SCML4: variants seen among roughly 807,000 people sequenced by gnomAD.
SCML4 encodes sex comb on midleg-like protein 4.
Under a neutral mutation model 41.1 loss-of-function variants are expected in SCML4, and 34 were observed. The observed-to-expected ratio is 0.83, with a 90% CI of 0.63 to 1.10. The LOEUF is 1.10. Ranked by LOEUF, SCML4 falls within the 50% of genes least tolerant of loss-of-function variation. The probability of loss-of-function intolerance (pLI) is 0.00; values close to 1 mark genes in which losing one functional copy is unlikely to be tolerated. For synonymous variants in SCML4, 214 were observed against 220.9 expected (o/e 0.97, Z 0.28); for missense variants, 522 against 534.1 (o/e 0.98, Z 0.22).
At chr6:107,799,593 T>C (rs1782953684) in intron 1 of SCML4, among the ~76,000 whole-genome samples, 3 of 152,224 alleles carry the variant, frequency 2.0e-5, no homozygotes, top group Admixed American at 2.0e-4. Context: ...AGTTTAAGTC[T>C]ACCATCTTTC....
chr6:107,782,548 T>C (rs569959298), intron 1 of SCML4, among the ~76,000 whole-genome samples: 2 of 152,394 alleles, frequency 1.3e-5, no homozygotes, highest in South Asian at 4.1e-4. Context: ...CTGCATTTCT[T>C]ACTCTTCTCC....
chr6:107,717,157 A>C (rs1394797303), intron 6 of SCML4, among the ~76,000 whole-genome samples: 1 of 144,850 alleles, frequency 6.9e-6, no homozygotes, highest in African/African-American at 2.6e-5. Context: ...AAAAAAAAAA[A>C]AAAAAAAAAA....
At chr6:107,730,246 C>T (rs1166022947) in intron 5 of SCML4, among the ~76,000 whole-genome samples, 2 of 152,246 alleles carry the variant, frequency 1.3e-5, no homozygotes, top group Non-Finnish European at 2.9e-5. Context: ...TGAGCAAACA[C>T]CAGATGGGGC....
At chr6:107,724,167 A>G (rs764141088) in intron 5 of SCML4, among the ~76,000 whole-genome samples, 1 of 152,226 alleles carries the variant, frequency 6.6e-6, no homozygotes, top group Non-Finnish European at 1.5e-5. Flanking sequence ...CCTCAATCTG[A>G]CAAAGGGTAT....
chr6:107,825,885 C>T (rs111364442), upstream of SCML4, among the ~76,000 whole-genome samples: 24 of 130,898 alleles, frequency 1.8e-4, no homozygotes, highest in East Asian at 4.4e-4. Flanking sequence ...CACAGTGAGC[C>T]GATACCGTGC....
Position 107,780,302 on chromosome 6 carries a change from A to AT in SCML4, c.-59-7917dup, listed in dbSNP as rs533414562. 1.6e-4 allele frequency among the ~76,000 whole-genome samples: 24 copies of AT among 152,278 alleles called. No individual in the cohort carries two copies. The East Asian group carries it at 3.5e-3, about 22-fold the overall frequency. ...AAAAAAAATAAATTCCCTTACACACATTTTTTTCCAATTCTGATACTAAAA... is the reference window on the plus strand; with the variant it reads ...AAAAAAAATAAATTCCCTTACACACATTTTTTTTCCAATTCTGATACTAAAA... On this transcript the variant is annotated intron_variant, in intron 1 of 7. Transcript: ENST00000369020.
intron 1 of SCML4, among the ~76,000 whole-genome samples, chr6:107,796,667 T>C (rs960931470): frequency 6.6e-6 from 1 of 152,200 alleles, no homozygotes; most frequent in Non-Finnish European, 1.5e-5. Flanking sequence ...TAGCAACCTT[T>C]TGTTTTATGA....
intron 5 of SCML4, among the ~76,000 whole-genome samples, chr6:107,742,400 C>T (rs1777667673): frequency 6.6e-6 from 1 of 151,980 alleles, no homozygotes. Context: ...GAAAACTTTC[C>T]AAAAGATGAG....
chr6:107,744,401 C>A (rs903382906), intron 5 of SCML4, among the ~76,000 whole-genome samples: 1 of 152,162 alleles, frequency 6.6e-6, no homozygotes, highest in Non-Finnish European at 1.5e-5. Flanking sequence ...GTGATGAGAA[C>A]GAAACACTAA....
intron 1 of SCML4, among the ~76,000 whole-genome samples, chr6:107,774,529 A>G (rs924104807): frequency 6.6e-6 from 1 of 152,224 alleles, no homozygotes; most frequent in African/African-American, 2.4e-5. Flanking sequence ...GATTTTCGCT[A>G]TGTGAAAGTT....
intron 2 of SCML4, among the ~76,000 whole-genome samples, chr6:107,751,612 T>TTCTCTCTCTCTCTCTCTCTCTC (rs1778658954): frequency 6.8e-6 from 1 of 146,746 alleles, no homozygotes; most frequent in East Asian, 2.1e-4. Flanking sequence ...CTTTCTTTCT[T>TTCTCTCTCTCTCTCTCTCTCTC]TCTTTCTTTC....
chr6:107,706,306 G>A (rs750211614), intron 7 of SCML4, among the ~76,000 whole-genome samples: 2 of 152,078 alleles, frequency 1.3e-5, no homozygotes, highest in African/African-American at 2.4e-5. Context: ...CTCCCACCCT[G>A]GAAGACAGCC....
rs1291561933 is a variant in SCML4 at position 107,711,106 on chromosome 6, G to T, written c.974-3095C>A. ...GATCTTGTTCACAGCTCTGTCCTCAGATGTGAGAAGAGCCCCTGGCACACT... is the reference window on the plus strand; with the variant it reads ...GATCTTGTTCACAGCTCTGTCCTCATATGTGAGAAGAGCCCCTGGCACACT... On this transcript the variant is annotated intron_variant, in intron 6 of 7. Transcript: ENST00000369020. Among the ~76,000 whole-genome samples the T allele has an allele frequency of 1.4e-4, 2 of 14,302 alleles. 1 individual carries two copies. The highest frequency in any genetic ancestry group is 3.1e-4 in the Non-Finnish European group (2 of 6,520). The allele number at this position is 14,302 out of a possible 152,430, so 9.4% of individuals were successfully genotyped here.
At chr6:107,723,287 A>T (rs1775618372) in intron 5 of SCML4, among the ~76,000 whole-genome samples, 2 of 152,124 alleles carry the variant, frequency 1.3e-5, no homozygotes, top group Admixed American at 6.5e-5. Flanking sequence ...AGCCTAGCTG[A>T]CCTCAAACAT....
chr6:107,780,238 G>C (rs925495672), intron 1 of SCML4, among the ~76,000 whole-genome samples: 2 of 151,946 alleles, frequency 1.3e-5, no homozygotes, highest in African/African-American at 4.8e-5. Flanking sequence ...CCTTCATACC[G>C]TTAAAAGAAT....
At chr6:107,801,782 C>CTT (rs375611997) in intron 1 of SCML4, among the ~76,000 whole-genome samples, 2 of 147,350 alleles carry the variant, frequency 1.4e-5, no homozygotes, top group African/African-American at 5.0e-5. Context: ...TTATTCATTT[C>CTT]TTTTTTTTTT....
intron 1 of SCML4, among the ~76,000 whole-genome samples, chr6:107,780,360 A>G (rs7757683): frequency 0.46 from 69,979 of 151,980 alleles, 17,501 homozygotes; most frequent in African/African-American, 0.65. Context: ...CAAGACTCAC[A>G]TGTACTCATT....
intron 2 of SCML4, among the ~76,000 whole-genome samples, chr6:107,766,549 C>T (rs1323171901): frequency 6.6e-6 from 1 of 152,192 alleles, no homozygotes; most frequent in Non-Finnish European, 1.5e-5. Flanking sequence ...AAAGCTCTGA[C>T]ATAAGACCTC....
At chr6:107,791,327 C>T (rs1480607641) in intron 1 of SCML4, among the ~76,000 whole-genome samples, 1 of 152,088 alleles carries the variant, frequency 6.6e-6, no homozygotes, top group Non-Finnish European at 1.5e-5. Flanking sequence ...AATTGGTCTG[C>T]AGGAGGGGTA....
Sources: allele counts gnomAD v4.1 joint callset (sites outside exome capture counted in the v4.1 genomes callset), GRCh38; gene constraint gnomAD v4.1.1; transcripts MANE v1.5; gene names NCBI Gene and HGNC (gene_info 2026-07-23, HGNC 2026-07-21).